The following GADL1 variants were observed in gnomAD, a reference collection of about 807,000 sequenced individuals.
GADL1 encodes the protein acidic amino acid decarboxylase GADL1.
Under a neutral mutation model 69.5 loss-of-function variants are expected in GADL1, and 71 were observed. That is an observed-to-expected ratio of 1.02 (90% CI 0.84 to 1.25). GADL1 has a LOEUF of 1.25. Ranked by LOEUF, GADL1 falls within the 50% of genes most tolerant of loss-of-function variation. The probability of loss-of-function intolerance (pLI) is 0.00; values close to 1 mark genes in which losing one functional copy is unlikely to be tolerated. For synonymous variants in GADL1, 254 were observed against 214.4 expected, an observed-to-expected ratio of 1.18 and a Z score of -1.62; for missense variants, 737 against 631.8, an observed-to-expected ratio of 1.17 and a Z score of -1.79.
chr3:30,754,686 A>G (rs1188925260), intron 14 of GADL1, among the ~76,000 whole-genome samples: 6 of 152,224 alleles, frequency 3.9e-5, no homozygotes, highest in Non-Finnish European at 7.3e-5. Context: ...TCAACTGCCT[A>G]AGAGCTCTGG....
intron 14 of GADL1, among the ~76,000 whole-genome samples, chr3:30,740,698 C>T (rs1695603835): frequency 1.3e-5 from 2 of 151,720 alleles, no homozygotes; most frequent in African/African-American, 4.8e-5. Flanking sequence ...ATCTACCAGC[C>T]ATTTGAATGT....
At chr3:30,796,944 T>C (rs1697044275) in intron 12 of GADL1, among the ~76,000 whole-genome samples, 1 of 152,228 alleles carries the variant, frequency 6.6e-6, no homozygotes, top group Non-Finnish European at 1.5e-5. Flanking sequence ...CCTGTCCTTA[T>C]ATCCAAGCCC....
intron 14 of GADL1, among the ~76,000 whole-genome samples, chr3:30,739,271 C>T (rs775109313): frequency 4.6e-5 from 7 of 152,154 alleles, no homozygotes; most frequent in South Asian, 2.1e-4. Context: ...TACAGGCTGC[C>T]GAGACATTCC....
At chr3:30,857,168 G>C (rs898100778) in intron 2 of GADL1, 27 bp from the exon 3 acceptor site, 1 of 1,547,146 alleles carries the variant, frequency 6.5e-7, no homozygotes, top group Non-Finnish European at 8.7e-7. Context: ...AACACAAATT[G>C]AGTATCCACC....
At position 30,871,813 on chromosome 3, in the gene GADL1, G is replaced by C. The variant is rs193292783; in HGVS notation, c.38-10048C>G. ...GAGAGAACGTGCTCCTCAGAAGGGA[G>C]TCTCTGAAACAGCCAGAAAAATAGC... On this transcript the variant is annotated intron_variant, in intron 1 of 14. Transcript: ENST00000282538. 3.2e-4 allele frequency among the ~76,000 whole-genome samples: 49 copies of C among 151,910 alleles called. 1 individual carries two copies. Among genetic ancestry groups the C allele is most frequent in the African/African-American group, 1.2e-3 (48 of 41,372 alleles).
chr3:30,771,658 C>CATTTAAAAAATG (rs1474579985), intron 14 of GADL1, among the ~76,000 whole-genome samples: 1 of 152,150 alleles, frequency 6.6e-6, no homozygotes, highest in Non-Finnish European at 1.5e-5. Flanking sequence ...TAAAAAAGAA[C>CATTTAAAAAATG]CTCATCTTTG....
intron 14 of GADL1, 46 bp downstream of exon 14, chr3:30,778,133 G>A (rs1420847033): frequency 3.8e-6 from 4 of 1,048,242 alleles, no homozygotes; most frequent in Non-Finnish European, 6.0e-6. Context: ...AATGTACACT[G>A]AATCTACTTC....
intron 8 of GADL1, among the ~76,000 whole-genome samples, chr3:30,843,111 C>T (rs1472751522): frequency 6.6e-6 from 1 of 152,098 alleles, no homozygotes; most frequent in African/African-American, 2.4e-5. Flanking sequence ...AGTAGTCATG[C>T]CTGCCTTTGT....
chr3:30,843,106 T>C (rs892795076), intron 8 of GADL1, among the ~76,000 whole-genome samples: 1 of 152,164 alleles, frequency 6.6e-6, no homozygotes, highest in Non-Finnish European at 1.5e-5. Context: ...TTTTCAGTAG[T>C]CATGCCTGCC....
At chr3:30,838,895 C>T (rs906247333) in intron 9 of GADL1, 102 bp downstream of exon 9, 6 of 653,302 alleles carry the variant, frequency 9.2e-6, no homozygotes, top group African/African-American at 3.8e-5. Flanking sequence ...CAAACAAAAG[C>T]GTTGGGGACT....
intron 14 of GADL1, 26 bp downstream of exon 14, chr3:30,778,152 GA>G: frequency 1.5e-6 from 2 of 1,329,382 alleles, no homozygotes; most frequent in Non-Finnish European, 2.2e-6. Context: ...TCATCAAAAA[GA>G]AAAATACCAT....
intron 14 of GADL1, among the ~76,000 whole-genome samples, chr3:30,777,431 C>T (rs1364387644): frequency 6.6e-6 from 1 of 152,118 alleles, no homozygotes; most frequent in Non-Finnish European, 1.5e-5. Flanking sequence ...GCCACATAAT[C>T]CCCAGTGAAA....
intron 1 of GADL1, among the ~76,000 whole-genome samples, chr3:30,894,019 G>A (rs1266766468): frequency 2.0e-5 from 3 of 152,156 alleles, no homozygotes; most frequent in Non-Finnish European, 4.4e-5. Flanking sequence ...AGAACTAAGT[G>A]GCACCTGAGT....
At chr3:30,792,502 G>A (rs1424383287) in intron 12 of GADL1, among the ~76,000 whole-genome samples, 2 of 152,132 alleles carry the variant, frequency 1.3e-5, no homozygotes, top group Non-Finnish European at 2.9e-5. Context: ...ACTTGAGCCT[G>A]GGAGGTGGAG....
Position 30,786,372 on chromosome 3 carries a change from A to G in GADL1, c.1285T>C (p.Phe429Leu), listed in dbSNP as rs1696789457. The stretch of plus-strand genomic sequence containing the variant: ...TCACTTACTTCCATCAGTAACTTGA[A>G]TCCTTCTCTTTTCTTGATTTCATCT... ...LVDEIKKREG[F>L]KLLMEPEYAN... The change falls in exon 13 of 15, where the codon TTC becomes CTC. Residue 429 changes from phenylalanine to leucine, a missense_variant. Transcript: ENST00000282538. 2 of 1,561,234 alleles carry G rather than the reference A, an allele frequency of 1.3e-6. No individual in the cohort carries two copies. The highest frequency in any genetic ancestry group is 1.7e-5 in the Admixed American group (1 of 59,838).
intron 11 of GADL1, among the ~76,000 whole-genome samples, chr3:30,808,262 G>A (rs539878015): frequency 2.0e-5 from 3 of 152,190 alleles, no homozygotes; most frequent in South Asian, 4.2e-4. Context: ...TTGGGAGGCC[G>A]AGGTGGGCAG....
intron 14 of GADL1, among the ~76,000 whole-genome samples, chr3:30,745,194 A>T (rs1277396910): frequency 6.6e-6 from 1 of 152,232 alleles, no homozygotes; most frequent in Non-Finnish European, 1.5e-5. Flanking sequence ...TTCAGGACTC[A>T]AAGTAGATTA....
intron 6 of GADL1, among the ~76,000 whole-genome samples, chr3:30,848,706 A>G (rs1698095452): frequency 6.6e-6 from 1 of 152,194 alleles, no homozygotes; most frequent in South Asian, 2.1e-4. Context: ...CGTGCCATCT[A>G]CTTCTGCCCA....
At chr3:30,770,652 C>T (rs898038038) in intron 14 of GADL1, among the ~76,000 whole-genome samples, 4 of 152,098 alleles carry the variant, frequency 2.6e-5, no homozygotes, top group Admixed American at 1.3e-4. Context: ...TCATCCTAAC[C>T]TCAGGCCCAT....
Sources: gnomAD v4.1 joint callset for allele counts (sites outside exome capture counted in the v4.1 genomes callset) on GRCh38, gnomAD v4.1.1 for gene constraint, MANE v1.5 for transcripts, NCBI Gene and HGNC (gene_info 2026-07-23, HGNC 2026-07-21) for gene names.